The following BHLHE41 variants were observed in gnomAD, a reference collection of about 807,000 sequenced individuals.
BHLHE41 encodes the protein class E basic helix-loop-helix protein 41.
BHLHE41 carries 14 observed loss-of-function variants against 24.0 expected under a neutral mutation model. The observed-to-expected ratio is 0.58, with a 90% CI of 0.39 to 0.91. The LOEUF (loss-of-function observed/expected upper bound fraction) is 0.91. Ranked by LOEUF, BHLHE41 falls within the 40% of genes least tolerant of loss-of-function variation. BHLHE41 has a pLI of 0.00. For missense variants in BHLHE41, 674 were observed against 655.4 expected, an observed-to-expected ratio of 1.03 and a Z score of -0.31; for synonymous variants, 394 against 315.5, an observed-to-expected ratio of 1.25 and a Z score of -2.64.
Position 26,123,705 on chromosome 12 carries a change from A to G in BHLHE41, c.271T>C (p.Leu91=). The G allele has an allele frequency of 6.2e-7, 1 of 1,614,078 alleles. No individual in the cohort carries two copies. The highest frequency in any genetic ancestry group is 8.5e-7 in the Non-Finnish European group (1 of 1,179,902). The part of the protein sequence containing the change: ...GHLEKAVVLE[L]TLKHLKALTA... ...AAAGCTTTTAAGTGTTTCAAAGTTA[A>G]TTCCAAGACTACAGCTTTCTCCAGA... is the stretch of plus-strand genomic sequence containing the variant. Residue 91 remains leucine, a synonymous_variant, in exon 4 of 5, where the codon TTA becomes CTA. Coordinates refer to ENST00000242728, the MANE Select transcript of BHLHE41 (RefSeq NM_030762.3).
chr12:26,123,289 C>T (rs1025891829), intron 4 of BHLHE41, 121 bp from the exon 5 acceptor site: 48 of 1,313,690 alleles, frequency 3.7e-5, no homozygotes, highest in South Asian at 2.8e-4. Flanking sequence ...CTCGGTTTTT[C>T]CCCAGTATTC....
Position 26,122,120 on chromosome 12 carries a change from G to C in BHLHE41, c.1395C>G (p.Asn465Lys), listed in dbSNP as rs1480260878. 9 of 1,549,306 alleles carry C rather than the reference G, an allele frequency of 5.8e-6. No homozygotes were observed. Among genetic ancestry groups the C allele is most frequent in the Non-Finnish European group, 6.1e-6 (7 of 1,146,476 alleles). Reference protein sequence around the residue: ...LPFAGPREPGNPESSAQEDPS... With the variant: ...LPFAGPREPGKPESSAQEDPS... ...GATCTTCCTGAGCAGAGCTCTCCGG[G>C]TTCCCCGGCTCGCGGGGCCCGGCGA... The change falls in exon 5 of 5, where the codon AAC becomes AAG. Residue 465 changes from asparagine to lysine, a missense_variant. Asn to Lys is a moderately conservative substitution (Grantham distance 94). Around this residue, in one of 3 missense-constraint regions of BHLHE41, gnomAD observed 602 missense variants for 570.8 expected, o/e 1.05. Coordinates refer to ENST00000242728, the MANE Select transcript of BHLHE41 (RefSeq NM_030762.3).
chr12:26,124,477 TA>T, intron 2 of BHLHE41, 41 bp downstream of exon 2: 1 of 1,579,994 alleles, frequency 6.3e-7, no homozygotes, highest in Non-Finnish European at 8.7e-7. Context: ...TCTAATTAAC[TA>T]CCCATGCAGG....
chr12:26,124,824 G>A lies in BHLHE41; in HGVS notation c.-45C>T. ...CCTCTGTTTCGATTTTTGGGGCTCT[G>A]TACAATAATCTGTGGGACGGTAGGC... is the stretch of plus-strand genomic sequence containing the variant. On this transcript the variant is annotated 5_prime_UTR_variant, in exon 1 of 5. Transcript: ENST00000242728. 6.3e-7 allele frequency: 1 copy of A among 1,594,802 alleles called. No homozygotes were observed. Among genetic ancestry groups the A allele is most frequent in the East Asian group, 2.2e-5 (1 of 44,830 alleles).
chr12:26,121,831 A>C lies in BHLHE41; in HGVS notation c.*235T>G. The C allele has an allele frequency of 1.1e-6, 1 of 932,004 alleles. No homozygotes were observed. The highest frequency in any genetic ancestry group is 2.0e-5 in the South Asian group (1 of 50,870). 57.7% of individuals were successfully genotyped at this position (932,004 alleles called of 1,614,324 possible). On this transcript the variant is annotated 3_prime_UTR_variant, in exon 5 of 5. Coordinates refer to ENST00000242728, the MANE Select transcript of BHLHE41 (RefSeq NM_030762.3). ...AGGATCTTTTACAGCTGGTGGGGGG[A>C]AGAAAGGGATGTTAGTGTGTGGAGG...
At chr12:26,123,261 T>C (rs2137387739) in intron 4 of BHLHE41, 93 bp from the exon 5 acceptor site, 2 of 1,424,600 alleles carry the variant, frequency 1.4e-6, no homozygotes, top group South Asian at 1.5e-5. Context: ...ACGTGGGCCC[T>C]GCATCGACTA....
intron 3 of BHLHE41, 54 bp from the exon 4 acceptor site, chr12:26,123,795 G>A (rs1461011883): frequency 1.8e-6 from 2 of 1,141,858 alleles, no homozygotes; most frequent in African/African-American, 3.0e-5. Flanking sequence ...ACACACATTT[G>A]GCTTAATTGG....
At position 26,124,577 on chromosome 12, in the gene BHLHE41, T is replaced by A. The variant is rs1023894164; in HGVS notation, c.68A>T (p.Asp23Val). ...LLEHRDFIGLDYSSLYMCKPK... is the reference protein window; with the variant it reads ...LLEHRDFIGLVYSSLYMCKPK... ...TTTACACATATACAAAGAGGAATAGTCCAGTCTGCAAAACAGAAATCAGCA... is the reference window on the plus strand; with the variant it reads ...TTTACACATATACAAAGAGGAATAGACCAGTCTGCAAAACAGAAATCAGCA... The change falls in exon 2 of 5, where the codon GAC (aspartate) becomes GTC (valine). Residue 23 changes from aspartate (D) to valine (V), a missense_variant. Asp to Val is a radical substitution (Grantham distance 152). Coordinates refer to ENST00000242728, the MANE Select transcript of BHLHE41 (RefSeq NM_030762.3). 6.2e-7 allele frequency: 1 copy of A among 1,614,122 alleles called. No homozygotes were observed. The highest frequency in any genetic ancestry group is 1.3e-5 in the African/African-American group (1 of 75,020).
Position 26,124,158 on chromosome 12 carries a change from T to G in BHLHE41, c.148A>C (p.Arg50=). The G allele has an allele frequency of 6.2e-7, 1 of 1,609,524 alleles. No individual in the cohort carries two copies. Residue 50 remains arginine (R), a synonymous_variant, in exon 3 of 5, where the codon AGA becomes CGA. Transcript: ENST00000242728. ...DTKDTYKLPH[R]LIEKKRRDRI... is the part of the protein sequence containing the mutation. Reference sequence around the variant, plus strand: ...TCTCTTCTTTTCTTTTCTATTAATCTGTGCGGTAATTTGTAGGTATCCTTA... The same window carrying G: ...TCTCTTCTTTTCTTTTCTATTAATCGGTGCGGTAATTTGTAGGTATCCTTA...
At position 26,122,504 on chromosome 12, in the gene BHLHE41, G is replaced by C; in HGVS notation, c.1011C>G (p.Phe337Leu). 7.6e-7 allele frequency: 1 copy of C among 1,313,226 alleles called. No individual in the cohort carries two copies. The highest frequency in any genetic ancestry group is 3.5e-5 in the East Asian group (1 of 28,218). 81.3% of individuals were successfully genotyped at this position (1,313,226 alleles called of 1,614,324 possible). A position where few individuals can be genotyped will look rare whatever the true frequency, so the allele number is the denominator to read the frequency against. Residue 337 changes from phenylalanine to leucine, a missense_variant, in exon 5 of 5, where the codon TTC becomes TTG. Phe to Leu is a conservative substitution (Grantham distance 22). Coordinates refer to ENST00000242728, the MANE Select transcript of BHLHE41 (RefSeq NM_030762.3). ...GGGCCGCGGCGGCCGCGGGCTGCGG[G>C]AAGGGCGCGCCTCCGCCTCCGCCGA... Reference protein sequence around the residue: ...VAFGGGGGAPFPQPAAAAAPF... With the variant: ...VAFGGGGGAPLPQPAAAAAPF...
rs1944302560 is a variant in BHLHE41 at position 26,121,282 on chromosome 12, A to G, written c.*784T>C. 6.6e-6 allele frequency: 1 copy of G among 152,590 alleles called. No homozygotes were observed. The allele number at this position is 152,590 out of a possible 1,614,324, so 9.5% of individuals were successfully genotyped here. ...TCCATTAATTCATGGTCAATTTCTC[A>G]ATAAAGTGTTAGCAAATGTACTAGG... On this transcript the variant is annotated 3_prime_UTR_variant, in exon 5 of 5. Coordinates refer to ENST00000242728, the MANE Select transcript of BHLHE41 (RefSeq NM_030762.3).
In BHLHE41 at chr12:26,124,726, A is replaced by G; in HGVS notation, c.54T>C (p.Asp18=). The change falls in exon 1 of 5, where the codon GAT becomes GAC. Residue 18 remains aspartate, a synonymous_variant. Coordinates refer to ENST00000242728, the MANE Select transcript of BHLHE41 (RefSeq NM_030762.3). ...GGGTGCGTGCACCTTACCCTATAAA[A>G]TCTCTATGTTCCAGTAACTGTCTCT... ...LQERQLLEHR[D]FIGLDYSSLY... is the part of the protein sequence containing the mutation. 6.2e-7 allele frequency: 1 copy of G among 1,614,062 alleles called. No homozygotes were observed. Among genetic ancestry groups the G allele is most frequent in the Non-Finnish European group, 8.5e-7 (1 of 1,179,980 alleles).
Position 26,123,139 on chromosome 12 carries a change from A to T in BHLHE41, c.376T>A (p.Ser126Thr). 1 of 1,605,218 alleles carries T rather than the reference A, an allele frequency of 6.2e-7. No individual in the cohort carries two copies. The highest frequency in any genetic ancestry group is 1.1e-5 in the South Asian group (1 of 89,908). Reference sequence around the variant, plus strand: ...CCCGAGTGGAACGCATCCAAGTCGGACTGAATGGGCGATTTCAGAGATCGC... The same window carrying T: ...CCCGAGTGGAACGCATCCAAGTCGGTCTGAATGGGCGATTTCAGAGATCGC... Reference protein sequence around the residue: ...GERSLKSPIQSDLDAFHSGFQ... With the variant: ...GERSLKSPIQTDLDAFHSGFQ... Residue 126 changes from serine to threonine, a missense_variant, in exon 5 of 5, where the codon TCC (serine) becomes ACC (threonine). Transcript: ENST00000242728.
chr12:26,122,616 G>C lies in BHLHE41; in HGVS notation c.899C>G (p.Ala300Gly). The change falls in exon 5 of 5, where the codon GCG becomes GGG. Residue 300 changes from alanine (A) to glycine (G), a missense_variant. This residue lies in a region of BHLHE41 where 602 missense variants were observed against 570.8 expected (regional missense o/e 1.05). Coordinates refer to ENST00000242728, the MANE Select transcript of BHLHE41 (RefSeq NM_030762.3). ...GGGPGGGAAA[A>G]AAALLGPDPA... ...GTCGGGCCCCAGAAGCGCGGCTGCC[G>C]CCGCCGCCGCGCCGCCCCCCGGGCC... 1 of 1,154,426 alleles carries C rather than the reference G, an allele frequency of 8.7e-7. No individual in the cohort carries two copies. The highest frequency in any genetic ancestry group is 4.2e-5 in the East Asian group (1 of 23,842). The allele number at this position is 1,154,426 out of a possible 1,614,324, so 71.5% of individuals were successfully genotyped here. A position where few individuals can be genotyped will look rare whatever the true frequency, so the allele number is the denominator to read the frequency against.
At position 26,121,139 on chromosome 12, in the gene BHLHE41, TGA is replaced by T. The variant is rs1184445738; in HGVS notation, c.*925_*926del. On this transcript the variant is annotated 3_prime_UTR_variant, in exon 5 of 5. Transcript: ENST00000242728. ...AAAATTTAGGAACATGATGGATTAA[TGA>T]GAGTGGGAATAGATGCACTTGAGAT... 6 of 152,264 alleles carry T rather than the reference TGA, an allele frequency of 3.9e-5. No individual in the cohort carries two copies. Among genetic ancestry groups the T allele is most frequent in the Non-Finnish European group, 7.3e-5 (5 of 68,036 alleles). The allele number at this position is 152,264 out of a possible 1,614,324, so 9.4% of individuals were successfully genotyped here. A position where few individuals can be genotyped will look rare whatever the true frequency, so the allele number is the denominator to read the frequency against.
rs116430907 is a variant in BHLHE41, at chr12:26,123,031, G to A, written c.484C>T (p.Leu162=). The A allele has an allele frequency of 5.3e-4, 838 of 1,575,154 alleles. 6 individuals are homozygous for A. In the African/African-American group the frequency reaches 0.01, roughly 20 times the overall value. Residue 162 remains leucine (L), a synonymous_variant, in exon 5 of 5, where the codon CTG becomes TTG. Coordinates refer to ENST00000242728, the MANE Select transcript of BHLHE41 (RefSeq NM_030762.3). The stretch of plus-strand genomic sequence containing the variant: ...GCCACGGCGTGCAAGTGGTTGATCA[G>A]CTGGACACACCGCGGCTCCCTGGGT... The part of the protein sequence containing the change: ...WTPREPRCVQ[L]INHLHAVATQ...
intron 2 of BHLHE41, 36 bp from the exon 3 acceptor site, chr12:26,124,215 T>TA: frequency 7.3e-7 from 1 of 1,368,920 alleles, no homozygotes; most frequent in Non-Finnish European, 1.0e-6. Flanking sequence ...GAGAAAACAG[T>TA]AAGCGAAACA....
chr12:26,123,956 G>A, intron 3 of BHLHE41, 116 bp downstream of exon 3: 2 of 843,604 alleles, frequency 2.4e-6, no homozygotes, highest in South Asian at 1.5e-5. Context: ...GTACGGTATA[G>A]CACAAGTTTT....
Position 26,122,790 on chromosome 12 carries a change from T to C in BHLHE41, c.725A>G (p.Tyr242Cys). The change falls in exon 5 of 5, where the codon TAC becomes TGC. Residue 242 changes from tyrosine to cysteine, a missense_variant. Physicochemically the swap from Tyr to Cys is radical, Grantham distance 194 (BLOSUM62 -2). This residue lies in a region of BHLHE41 where 602 missense variants were observed against 570.8 expected (regional missense o/e 1.05). Coordinates refer to ENST00000242728, the MANE Select transcript of BHLHE41 (RefSeq NM_030762.3). ...CGGCCGGGCCTCGGCTTCGCCGCCG[T>C]AGCCGCTGTCGGTGTCCGTGTCGTT... ...AENDTDTDSG[Y>C]GGEAEARPDR... 1 of 1,591,504 alleles carries C rather than the reference T, an allele frequency of 6.3e-7. No homozygotes were observed. Among genetic ancestry groups the C allele is most frequent in the Non-Finnish European group, 8.5e-7 (1 of 1,174,628 alleles).
Sources: allele counts gnomAD v4.1 joint callset, GRCh38; gene constraint gnomAD v4.1.1; regional missense constraint gnomAD v4.1.1; transcripts MANE v1.5; gene names NCBI Gene and HGNC (gene_info 2026-07-23, HGNC 2026-07-21).